RGS3: variants seen among roughly 807,000 people sequenced by gnomAD.
The protein encoded by RGS3 is regulator of G protein signaling 3, also known as regulator of G-protein signalling 3.
A neutral mutation model predicts 132.6 loss-of-function variants in RGS3; 80 were observed. That is an observed-to-expected ratio of 0.60 (90% CI 0.50 to 0.73). RGS3 has a LOEUF of 0.73. Ranked by LOEUF, RGS3 falls within the 30% of genes least tolerant of loss-of-function variation. The pLI is 0.00. For missense variants in RGS3, 1,382 were observed against 1,530.8 expected, an observed-to-expected ratio of 0.90 and a Z score of 1.62; for synonymous variants, 598 against 620.6, an observed-to-expected ratio of 0.96 and a Z score of 0.54.
chr9:113,535,965 C>T (rs1035888716), intron 18 of RGS3, among the ~76,000 whole-genome samples: 5 of 152,176 alleles, frequency 3.3e-5, no homozygotes, highest in African/African-American at 4.8e-5. Flanking sequence ...TGTGCCAAAG[C>T]TGACCTGGAT....
intron 19 of RGS3, among the ~76,000 whole-genome samples, chr9:113,573,194 G>A (rs1404858073): frequency 2.6e-5 from 4 of 152,176 alleles, no homozygotes; most frequent in Non-Finnish European, 5.9e-5. Context: ...GCAGAGCCAG[G>A]GTTTGAAGCT....
rs956666290 is a variant in RGS3 at position 113,565,630 on chromosome 9, A to T, written c.2038-17820A>T. On this transcript the variant is annotated intron_variant, in intron 19 of 24. Transcript: ENST00000350696. This position sits in a 1 kb window ranked among gnomAD's most constrained non-coding sequence, Gnocchi z 5.7. Reference sequence around the variant, plus strand: ...ACGGCCGCCAGGAGCTGCCACAGCCACGGCCGCCCGCCTGCGGGAGGAGCC... The same window carrying T: ...ACGGCCGCCAGGAGCTGCCACAGCCTCGGCCGCCCGCCTGCGGGAGGAGCC... 1.5e-5 allele frequency: 4 copies of T among 272,602 alleles called. No individual in the cohort carries two copies. Among genetic ancestry groups the T allele is most frequent in the African/African-American group, 9.0e-5 (4 of 44,500 alleles). 16.9% of individuals were successfully genotyped at this position (272,602 alleles called of 1,614,324 possible).
At chr9:113,529,698 G>A (rs1325062077) in intron 18 of RGS3, among the ~76,000 whole-genome samples, 2 of 152,320 alleles carry the variant, frequency 1.3e-5, no homozygotes, top group South Asian at 4.1e-4. Flanking sequence ...TCTTGTCAGT[G>A]TTTCAAAAGG....
intron 1 of RGS3, chr9:113,460,451 G>A: frequency 6.2e-6 from 1 of 161,672 alleles, no homozygotes; most frequent in South Asian, 1.4e-4. Flanking sequence ...AACCCAGGAG[G>A]TGGAGCTTTC....
At chr9:113,491,214 G>A (rs535769122) in intron 7 of RGS3, among the ~76,000 whole-genome samples, 274 of 145,284 alleles carry the variant, frequency 1.9e-3, no homozygotes, top group African/African-American at 6.6e-3. Context: ...ATTTATATAT[G>A]TAATTAAAGA....
Position 113,507,561 on chromosome 9 carries a change from C to A in RGS3, c.1360C>A (p.Leu454Met). ...GGCCAAGCGCGGGGGCCAGCACACC[C>A]TGCCTGCACTGTCCCGTGCCACTGC... The change falls in exon 13 of 25, where the codon CTG (leucine) becomes ATG (methionine). Residue 454 changes from leucine (L) to methionine (M), a missense_variant. Leu to Met is a conservative substitution (Grantham distance 15). Transcript: ENST00000350696. This position sits in a 1 kb window ranked among gnomAD's most constrained non-coding sequence, Gnocchi z 5.0. 6.4e-7 allele frequency: 1 copy of A among 1,571,174 alleles called. No homozygotes were observed.
At chr9:113,495,985 C>A (rs1830671195) in intron 8 of RGS3, 139 bp downstream of exon 6, 5 of 774,522 alleles carry the variant, frequency 6.5e-6, no homozygotes, top group Admixed American at 5.7e-5. Context: ...TGTGGGGTGG[C>A]CTGCATAGCA....
intron 20 of RGS3, among the ~76,000 whole-genome samples, chr9:113,590,935 T>G (rs1190277143): frequency 2.0e-5 from 3 of 152,190 alleles, no homozygotes; most frequent in Non-Finnish European, 4.4e-5. Flanking sequence ...CCTGACTTAA[T>G]CATTATGATC....
chr9:113,515,546 G>A (rs1429299319), intron 15 of RGS3, among the ~76,000 whole-genome samples: 3 of 151,972 alleles, frequency 2.0e-5, no homozygotes, highest in Non-Finnish European at 4.4e-5. Flanking sequence ...CAGGAGAATC[G>A]CTTGAACCTG....
chr9:113,522,562 C>T (rs568995416), intron 16 of RGS3: 5 of 204,280 alleles, frequency 2.4e-5, no homozygotes, highest in African/African-American at 1.1e-4. Flanking sequence ...GCTCCAAGCC[C>T]CAGGTGCTGG....
At chr9:113,561,940 G>T (rs896753564) in intron 19 of RGS3, among the ~76,000 whole-genome samples, 1 of 152,176 alleles carries the variant, frequency 6.6e-6, no homozygotes, top group Non-Finnish European at 1.5e-5. Context: ...GCTGAACCTC[G>T]CTGGTCCTAG....
At chr9:113,567,663 A>G (rs371505521) in intron 19 of RGS3, among the ~76,000 whole-genome samples, 11 of 152,204 alleles carry the variant, frequency 7.2e-5, no homozygotes, top group Non-Finnish European at 1.6e-4. Flanking sequence ...GGCGGAGACC[A>G]TAGGGAGAAT....
At chr9:113,561,586 A>ATTTTTTTT (rs1181886025) in intron 19 of RGS3, among the ~76,000 whole-genome samples, 1 of 133,272 alleles carries the variant, frequency 7.5e-6, no homozygotes, top group African/African-American at 2.8e-5. Context: ...CTAATTTTTA[A>ATTTTTTTT]TTTTTTTTTT....
chr9:113,517,512 A>G (rs751812097), intron 15 of RGS3, 29 bp from the exon 14 acceptor site: 67 of 1,599,048 alleles, frequency 4.2e-5, no homozygotes, highest in Middle Eastern at 2.1e-4. Flanking sequence ...CTCTTTTTGA[A>G]CTGCCCACTC....
At chr9:113,475,221 C>T (rs913582151) in intron 3 of RGS3, among the ~76,000 whole-genome samples, 1 of 152,160 alleles carries the variant, frequency 6.6e-6, no homozygotes, top group Admixed American at 6.5e-5. Flanking sequence ...CCACCTTTTG[C>T]ACATAGTGTT....
intron 19 of RGS3, among the ~76,000 whole-genome samples, chr9:113,561,406 C>A (rs1833776090): frequency 6.6e-6 from 1 of 151,146 alleles, no homozygotes; most frequent in South Asian, 2.1e-4. Flanking sequence ...TTCTGTCTCT[C>A]TCTCTCTCTC....
chr9:113,589,647 C>T (rs1165614139), intron 20 of RGS3, among the ~76,000 whole-genome samples: 1 of 152,168 alleles, frequency 6.6e-6, no homozygotes, highest in African/African-American at 2.4e-5. Flanking sequence ...CGGGTGGGGG[C>T]CTTGGGCATG....
chr9:113,515,628 C>T (rs185311950), intron 15 of RGS3, among the ~76,000 whole-genome samples: 9 of 151,380 alleles, frequency 5.9e-5, no homozygotes, highest in African/African-American at 2.2e-4. Flanking sequence ...GAGACTCTGT[C>T]TCAAAAAAAA....
chr9:113,559,506 G>A (rs548163762), intron 19 of RGS3, among the ~76,000 whole-genome samples: 18 of 152,208 alleles, frequency 1.2e-4, no homozygotes, highest in African/African-American at 3.9e-4. Flanking sequence ...CTTTTGCTGC[G>A]TGTGGGCTTC....
Sources: gnomAD v4.1 joint callset for allele counts (sites outside exome capture counted in the v4.1 genomes callset) on GRCh38, gnomAD v4.1.1 for gene constraint, Gnocchi (gnomAD v3.1) non-coding constraint, MANE v1.5 for transcripts, NCBI Gene and HGNC (gene_info 2026-07-23, HGNC 2026-07-21) for gene names.